The following CAMSAP1 variants were observed in gnomAD, a reference collection of about 807,000 sequenced individuals.
The protein encoded by CAMSAP1 is calmodulin-regulated spectrin-associated protein 1.
Under a neutral mutation model 143.5 loss-of-function variants are expected in CAMSAP1, and 58 were observed. That is an observed-to-expected ratio of 0.40 (90% confidence interval 0.33 to 0.50). The LOEUF is 0.50. Among genes scored for constraint, CAMSAP1 ranks in the 20% least tolerant of loss-of-function variants. The pLI is 0.45. For missense variants in CAMSAP1, 1,969 were observed against 2,115.7 expected, an observed-to-expected ratio of 0.93 and a Z score of 1.36; for synonymous variants, 945 against 859.3, an observed-to-expected ratio of 1.10 and a Z score of -1.74.
intron 7 of CAMSAP1, chr9:135,836,370 T>C: frequency 1.0e-6 from 1 of 983,168 alleles, no homozygotes; most frequent in African/African-American, 1.8e-5. Flanking sequence ...ACATACCTTC[T>C]ACCCTGTTCT....
At chr9:135,878,372 C>T (rs1239855760) in intron 3 of CAMSAP1, among the ~76,000 whole-genome samples, 3 of 140,468 alleles carry the variant, frequency 2.1e-5, no homozygotes, top group Non-Finnish European at 3.0e-5. Context: ...GAGGACGACA[C>T]AGAGCCAAAC....
chr9:135,873,827 A>G (rs777498494), intron 3 of CAMSAP1, among the ~76,000 whole-genome samples: 16 of 152,210 alleles, frequency 1.1e-4, no homozygotes, highest in African/African-American at 3.9e-4. Flanking sequence ...AGTGAATTTA[A>G]TATTTAATTT....
intron 7 of CAMSAP1, among the ~76,000 whole-genome samples, chr9:135,847,625 T>C (rs1284256356): frequency 2.0e-5 from 3 of 149,504 alleles, no homozygotes; most frequent in Non-Finnish European, 4.4e-5. Flanking sequence ...AAACACCGCA[T>C]GTTCTTACTC....
At chr9:135,851,952 C>T (rs1246315147) in intron 5 of CAMSAP1, among the ~76,000 whole-genome samples, 1 of 152,206 alleles carries the variant, frequency 6.6e-6, no homozygotes, top group Non-Finnish European at 1.5e-5. Context: ...CAACGCCCTT[C>T]TGCCTGGTTG....
intron 3 of CAMSAP1, among the ~76,000 whole-genome samples, chr9:135,869,375 C>G (rs1428368298): frequency 6.6e-6 from 1 of 151,986 alleles, no homozygotes; most frequent in African/African-American, 2.4e-5. Context: ...TGGTGGCTCA[C>G]ACCTGTAATC....
rs1403425382 is a variant in CAMSAP1 at position 135,827,486 on chromosome 9, C to T, written c.1144G>A (p.Ala382Thr). The T allele has an allele frequency of 1.2e-6, 2 of 1,612,372 alleles. No homozygotes were observed. Among genetic ancestry groups the T allele is most frequent in the Non-Finnish European group, 1.7e-6 (2 of 1,178,702 alleles). ...AGCTGCACGGGGGGCTGCAGCTCAG[C>T]CAGGGTCCCTGCAGCAGGGCTGCCT... ...FLGSPAAGTLAELQPPVQLPA... is the reference protein window; with the variant it reads ...FLGSPAAGTLTELQPPVQLPA... The change falls in exon 8 of 17, where the codon GCT becomes ACT. Residue 382 changes from alanine (A) to threonine (T), a missense_variant. Transcript: ENST00000389532.
In CAMSAP1 at chr9:135,817,052, G is replaced by C. The variant is rs538964594; in HGVS notation, c.4271+925C>G. ...TCATCACAGGAAGCCGATACTGAGAGGCAGCCAGAAGGATAACTGACCTGT... is the reference window on the plus strand; with the variant it reads ...TCATCACAGGAAGCCGATACTGAGACGCAGCCAGAAGGATAACTGACCTGT... On this transcript the variant is annotated intron_variant, in intron 14 of 16. Transcript: ENST00000389532. Among the ~76,000 whole-genome samples, 6 of 152,324 alleles carry C rather than the reference G, an allele frequency of 3.9e-5. No individual in the cohort carries two copies. The South Asian group carries it at 1.2e-3, about 32-fold the overall frequency.
rs531910442 is a variant in CAMSAP1 at position 135,886,915 on chromosome 9, G to C, written c.161-3837C>G. Among the ~76,000 whole-genome samples the C allele has an allele frequency of 8.5e-5, 13 of 152,314 alleles. 1 individual carries two copies. The East Asian group carries it at 2.5e-3, about 29-fold the overall frequency. ...AATTCCTGCCAGCCTGGAGCAGGAC[G>C]GTCCCTTTTCCTAAGACAGGAAACC... On this transcript the variant is annotated intron_variant, in intron 1 of 16. Coordinates refer to ENST00000389532, the MANE Select transcript of CAMSAP1 (RefSeq NM_015447.4).
chr9:135,831,204 A>T (rs1334298047), intron 7 of CAMSAP1, among the ~76,000 whole-genome samples: 3 of 152,212 alleles, frequency 2.0e-5, no homozygotes, highest in Non-Finnish European at 2.9e-5. Context: ...GATGATTGAC[A>T]AATACGTGGA....
chr9:135,827,750 C>T (rs927557573), intron 7 of CAMSAP1, among the ~76,000 whole-genome samples, 166 bp from the exon 8 acceptor site: 3 of 152,206 alleles, frequency 2.0e-5, no homozygotes, highest in Non-Finnish European at 4.4e-5. Context: ...ATAACAAGTA[C>T]TACAAATATT....
chr9:135,817,030 T>G (rs905704076), intron 14 of CAMSAP1, among the ~76,000 whole-genome samples: 1 of 152,282 alleles, frequency 6.6e-6, no homozygotes, highest in Admixed American at 6.5e-5. Flanking sequence ...CTCAGTCTCA[T>G]CACAGGAAGC....
At position 135,811,176 on chromosome 9, in the gene CAMSAP1, CTG is replaced by C; in HGVS notation, c.*131_*132del. ...GTCTAGAAACCTCTTTGCAAAAGGT[CTG>C]TGACTTTGCACACTTCGTACCCAAA... On this transcript the variant is annotated 3_prime_UTR_variant, in exon 17 of 17. Transcript: ENST00000389532. This position sits in a 1 kb window ranked among gnomAD's most constrained non-coding sequence, Gnocchi z 4.9. 1 of 1,055,516 alleles carries C rather than the reference CTG, an allele frequency of 9.5e-7. No homozygotes were observed. The highest frequency in any genetic ancestry group is 2.6e-5 in the East Asian group (1 of 38,412). 65.4% of individuals were successfully genotyped at this position (1,055,516 alleles called of 1,614,324 possible). A position where few individuals can be genotyped will look rare whatever the true frequency, so the allele number is the denominator to read the frequency against.
rs199551007 is a variant in CAMSAP1, at chr9:135,822,777, G to A, written c.1884C>T (p.Pro628=). The A allele has an allele frequency of 6.2e-6, 10 of 1,613,870 alleles. No individual in the cohort carries two copies. The African/African-American group carries it at 1.3e-4, about 22-fold the overall frequency. ...GTACCAAAGGCTGGGGGCCCTCGCT[G>A]GGCCTCCTAGACACGATGCTCCTCG... ...GRPRSIVSRR[P]SEGPQPLVRR... Residue 628 remains proline, a synonymous_variant, in exon 11 of 17, where the codon CCC becomes CCT. Coordinates refer to ENST00000389532, the MANE Select transcript of CAMSAP1 (RefSeq NM_015447.4). This position sits in a 1 kb window ranked among gnomAD's most constrained non-coding sequence, Gnocchi z 6.1.
At position 135,819,011 on chromosome 9, in the gene CAMSAP1, G is replaced by A; in HGVS notation, c.3958C>T (p.Arg1320Trp). 1 of 1,605,798 alleles carries A rather than the reference G, an allele frequency of 6.2e-7. No individual in the cohort carries two copies. The highest frequency in any genetic ancestry group is 8.5e-7 in the Non-Finnish European group (1 of 1,178,914). ...AEVELKRDEA[R>W]RKAEEDRVRK... is the part of the protein sequence containing the mutation. The stretch of plus-strand genomic sequence containing the variant: ...TTTCCCCCCCGGCGGGACGCTTACC[G>A]GGCTTCGTCACGCTTGAGCTCCACC... The change falls in exon 12 of 17, where the codon CGG becomes TGG. Residue 1320 changes from arginine to tryptophan, a missense_variant and splice_region_variant. Arg to Trp is a moderately radical substitution (Grantham distance 101). This residue lies in a region of CAMSAP1 where 1,390 missense variants were observed against 1,420.8 expected (regional missense o/e 0.98). Coordinates refer to ENST00000389532, the MANE Select transcript of CAMSAP1 (RefSeq NM_015447.4).
In CAMSAP1 at chr9:135,819,062, C is replaced by G. The variant is rs375382345; in HGVS notation, c.3907G>C (p.Val1303Leu). Residue 1303 changes from valine (V) to leucine (L), a missense_variant, in exon 12 of 17, where the codon GTG becomes CTG. By Grantham distance (32) the Val-to-Leu change is conservative. This residue lies in a region of CAMSAP1 where 1,390 missense variants were observed against 1,420.8 expected (regional missense o/e 0.98). Transcript: ENST00000389532. ...KQQRKAEEAR[V>L]RKQQLEAEVE... ...TCCGCTTCCAGCTGCTGCTTGCGCA[C>G]GCGGGCCTCCTCGGCCTTGCGCTGC... 58 of 1,605,792 alleles carry G rather than the reference C, an allele frequency of 3.6e-5. No individual in the cohort carries two copies. The highest frequency in any genetic ancestry group is 6.7e-5 in the East Asian group (3 of 44,582).
Position 135,818,299 on chromosome 9 carries a change from C to T in CAMSAP1, c.4168+109G>A. ...ATGAAACGGGGATAATCATCTCCAC[C>T]CTTCCCGCCTCACACCACTCTTGAT... On this transcript the variant is annotated intron_variant, in intron 13 of 16. Coordinates refer to ENST00000389532, the MANE Select transcript of CAMSAP1 (RefSeq NM_015447.4). This position sits in a 1 kb window ranked among gnomAD's most constrained non-coding sequence, Gnocchi z 7.7. The T allele has an allele frequency of 8.0e-7, 1 of 1,253,124 alleles. No individual in the cohort carries two copies. The highest frequency in any genetic ancestry group is 1.1e-6 in the Non-Finnish European group (1 of 914,324). 77.6% of individuals were successfully genotyped at this position (1,253,124 alleles called of 1,614,324 possible).
intron 5 of CAMSAP1, among the ~76,000 whole-genome samples, chr9:135,852,390 A>T (rs1480378510): frequency 1.3e-5 from 2 of 152,044 alleles, no homozygotes; most frequent in African/African-American, 2.4e-5. Context: ...TGCTTTTTAT[A>T]ATTTTGGCAA....
intron 3 of CAMSAP1, among the ~76,000 whole-genome samples, chr9:135,871,311 C>G (rs1005733189): frequency 5.3e-5 from 8 of 152,130 alleles, no homozygotes; most frequent in African/African-American, 1.9e-4. Context: ...GCTTCGGTCT[C>G]CCAAGTAGCT....
In CAMSAP1 at chr9:135,822,654, T is replaced by C; in HGVS notation, c.2007A>G (p.Pro669=). 1 of 1,609,190 alleles carries C rather than the reference T, an allele frequency of 6.2e-7. No homozygotes were observed. The highest frequency in any genetic ancestry group is 8.5e-7 in the Non-Finnish European group (1 of 1,177,142). The part of the protein sequence containing the change: ...PMGIDPTETG[P]LSVETAGEVC... ...CCTCTCCTGCGGTTTCCACTGACAG[T>C]GGTCCTGTCTCGGTGGGGTCGATGC... is the stretch of plus-strand genomic sequence containing the variant. The change falls in exon 11 of 17, where the codon CCA becomes CCG. Residue 669 remains proline (P), a synonymous_variant. Coordinates refer to ENST00000389532, the MANE Select transcript of CAMSAP1 (RefSeq NM_015447.4). The surrounding 1 kb of genome is among the most constrained non-coding windows in gnomAD (Gnocchi z 6.1).
Sources: gnomAD v4.1 joint callset for allele counts (sites outside exome capture counted in the v4.1 genomes callset) on GRCh38, gnomAD v4.1.1 for gene constraint, gnomAD v4.1.1 regional missense constraint, Gnocchi (gnomAD v3.1) non-coding constraint, MANE v1.5 for transcripts, NCBI Gene and HGNC (gene_info 2026-07-23, HGNC 2026-07-21) for gene names.